The following RBFOX1 variants were observed in gnomAD, a reference collection of about 807,000 sequenced individuals.
RBFOX1 encodes RNA binding fox-1 homolog 1, also known as RNA binding protein fox-1 homolog 1.
RBFOX1 carries 8 observed loss-of-function variants against 57.7 expected under a neutral mutation model. That is an observed-to-expected ratio of 0.14 (90% CI 0.08 to 0.25). The LOEUF is 0.25. Among genes scored for constraint, RBFOX1 ranks in the 10% least tolerant of loss-of-function variants. The probability of loss-of-function intolerance (pLI) is 1.00; values close to 1 mark genes in which losing one functional copy is unlikely to be tolerated. For synonymous variants in RBFOX1, 326 were observed against 222.4 expected (o/e 1.47, Z -4.15); for missense variants, 611 against 548.5 (o/e 1.11, Z -1.14).
At chr16:5,839,345 T>G (rs892691233) in intron 3 of RBFOX1, among the ~76,000 whole-genome samples, 1 of 152,116 alleles carries the variant, frequency 6.6e-6, no homozygotes. Context: ...AACTGATAGT[T>G]TCATTTGGGA....
At chr16:7,148,860 A>G (rs1297042344) in intron 4 of RBFOX1, among the ~76,000 whole-genome samples, 1 of 152,208 alleles carries the variant, frequency 6.6e-6, no homozygotes, top group East Asian at 1.9e-4. Context: ...TCGGGTCACC[A>G]TCACCTTTTT....
intron 3 of RBFOX1, among the ~76,000 whole-genome samples, chr16:6,877,271 G>A (rs943584314): frequency 1.3e-5 from 2 of 152,178 alleles, no homozygotes; most frequent in South Asian, 2.1e-4. Context: ...GAGAAAGATG[G>A]ATGGGTTGAC....
At chr16:6,247,017 T>G (rs2097573044) in intron 1 of RBFOX1, among the ~76,000 whole-genome samples, 1 of 152,012 alleles carries the variant, frequency 6.6e-6, no homozygotes, top group Non-Finnish European at 1.5e-5. Flanking sequence ...TTGTGGTGAG[T>G]CGAGATTGCA....
At chr16:7,498,349 TCTCA>T (rs2069402705) in intron 4 of RBFOX1, among the ~76,000 whole-genome samples, 1 of 152,114 alleles carries the variant, frequency 6.6e-6, no homozygotes, top group South Asian at 2.1e-4. Context: ...TGTACATGGG[TCTCA>T]CTCAGCCTCT....
At position 7,491,586 on chromosome 16, in the gene RBFOX1, A is replaced by G. The variant is rs566789799; in HGVS notation, c.28-26561A>G. On this transcript the variant is annotated intron_variant, in intron 4 of 15. Coordinates refer to ENST00000550418, the MANE Select transcript of RBFOX1 (RefSeq NM_018723.4). ...TTGAATTAGTTCTGTCTCTCTCTAA[A>G]TTATTTGCTTTATGTAATAGGAACA... Among the ~76,000 whole-genome samples the G allele has an allele frequency of 2.0e-5, 3 of 151,814 alleles. No individual in the cohort carries two copies. In the South Asian group the frequency reaches 6.3e-4, roughly 32 times the overall value.
At chr16:6,411,383 C>A (rs113177773) in intron 2 of RBFOX1, among the ~76,000 whole-genome samples, 41 of 152,288 alleles carry the variant, frequency 2.7e-4, no homozygotes, top group African/African-American at 9.6e-4. Flanking sequence ...ATGTTTATGA[C>A]TGCTGTTTTG....
At chr16:5,495,687 A>G (rs141963638) in intron 2 of RBFOX1, among the ~76,000 whole-genome samples, 35 of 152,328 alleles carry the variant, frequency 2.3e-4, no homozygotes, top group African/African-American at 6.5e-4. Context: ...TATGCTCGTT[A>G]ACATCGTAAA....
At chr16:5,513,267 G>A (rs1308862890) in intron 2 of RBFOX1, among the ~76,000 whole-genome samples, 1 of 152,094 alleles carries the variant, frequency 6.6e-6, no homozygotes, top group African/African-American at 2.4e-5. Context: ...TCTTGGTCAG[G>A]TATGTTGTAG....
At chr16:6,607,984 T>TA (rs1183224026) in intron 2 of RBFOX1, among the ~76,000 whole-genome samples, 1 of 152,210 alleles carries the variant, frequency 6.6e-6, no homozygotes, top group African/African-American at 2.4e-5. Flanking sequence ...TCTGACCCTT[T>TA]ACTGGGAAGG....
intron 4 of RBFOX1, among the ~76,000 whole-genome samples, chr16:5,921,653 G>A (rs2058824418): frequency 6.6e-6 from 1 of 152,152 alleles, no homozygotes; most frequent in Admixed American, 6.5e-5. Flanking sequence ...AGAAATACCT[G>A]AGGCTGGGTA....
intron 10 of RBFOX1, among the ~76,000 whole-genome samples, chr16:7,616,264 G>A (rs141744844): frequency 6.6e-6 from 1 of 152,218 alleles, no homozygotes; most frequent in Non-Finnish European, 1.5e-5. Flanking sequence ...AAGAAACCTA[G>A]CAAAAGCTTC....
At chr16:6,104,778 A>G (rs982744337) in intron 1 of RBFOX1, among the ~76,000 whole-genome samples, 1 of 152,224 alleles carries the variant, frequency 6.6e-6, no homozygotes, top group African/African-American at 2.4e-5. Flanking sequence ...GCTACACCAC[A>G]TAGATGAACC....
chr16:6,271,747 C>G (rs143128115), intron 1 of RBFOX1, among the ~76,000 whole-genome samples: 1 of 152,124 alleles, frequency 6.6e-6, no homozygotes, highest in South Asian at 2.1e-4. Flanking sequence ...ATATTTTACT[C>G]ACTGTGAAAT....
chr16:6,862,356 C>G (rs757543226), intron 3 of RBFOX1, among the ~76,000 whole-genome samples: 4 of 152,234 alleles, frequency 2.6e-5, no homozygotes, highest in Admixed American at 2.6e-4. Context: ...CCTGGAAGCA[C>G]ATTTTGAACA....
chr16:6,196,160 C>G (rs1197082706), intron 1 of RBFOX1, among the ~76,000 whole-genome samples: 1 of 152,178 alleles, frequency 6.6e-6, no homozygotes, highest in African/African-American at 2.4e-5. Context: ...TTCATTGTCT[C>G]CCTTTTCAGA....
At chr16:7,341,140 G>A (rs150354686) in intron 4 of RBFOX1, among the ~76,000 whole-genome samples, 314 of 152,198 alleles carry the variant, frequency 2.1e-3, no homozygotes, top group African/African-American at 7.1e-3. Context: ...CCCGTCTAAA[G>A]ATAGACCTCT....
At position 6,354,282 on chromosome 16, in the gene RBFOX1, G is replaced by A. The variant is rs544973661; in HGVS notation, c.-64+37225G>A. On this transcript the variant is annotated intron_variant, in intron 2 of 15. Transcript: ENST00000550418. ...ATAAAAAAAATAGCAACAGTTTTCC[G>A]AAACATGTTTCAGAGAGCTTTTGGC... 5.3e-4 allele frequency among the ~76,000 whole-genome samples: 80 copies of A among 151,910 alleles called. 1 individual carries two copies. Among genetic ancestry groups the A allele is most frequent in the Non-Finnish European group, 9.3e-4 (63 of 67,962 alleles).
At chr16:6,497,882 A>T (rs2095815549) in intron 2 of RBFOX1, among the ~76,000 whole-genome samples, 1 of 152,058 alleles carries the variant, frequency 6.6e-6, no homozygotes. Context: ...AAGTGTGAGA[A>T]AGTGCCTAAA....
At chr16:6,108,612 T>TTGGTGGC (rs1280916752) in intron 1 of RBFOX1, among the ~76,000 whole-genome samples, 1 of 152,196 alleles carries the variant, frequency 6.6e-6, no homozygotes, top group Non-Finnish European at 1.5e-5. Flanking sequence ...TGTCACACAG[T>TTGGTGGC]TGGTGGCTTA....
Sources: gnomAD v4.1 joint callset for allele counts (sites outside exome capture counted in the v4.1 genomes callset) on GRCh38, gnomAD v4.1.1 for gene constraint, MANE v1.5 for transcripts, NCBI Gene and HGNC (gene_info 2026-07-23, HGNC 2026-07-21) for gene names.